The following BOD1L1 variants were observed in gnomAD, a reference collection of about 807,000 sequenced individuals.
BOD1L1 encodes biorientation of chromosomes in cell division 1 like 1.
In BOD1L1, 86 loss-of-function variants were observed where a neutral mutation model predicts 240.7. That is an observed-to-expected ratio of 0.36 (90% CI 0.30 to 0.43). The LOEUF is 0.43. Among genes scored for constraint, BOD1L1 ranks in the 20% least tolerant of loss-of-function variants. The pLI is 1.00. For missense variants in BOD1L1, 3,554 were observed against 3,643.5 expected, an observed-to-expected ratio of 0.98 and a Z score of 0.63; for synonymous variants, 1,268 against 1,272.3, an observed-to-expected ratio of 1.00 and a Z score of 0.07.
intron 9 of BOD1L1, among the ~76,000 whole-genome samples, chr4:13,606,110 C>T (rs1405230934): frequency 1.3e-5 from 2 of 152,134 alleles, no homozygotes; most frequent in East Asian, 1.9e-4. Flanking sequence ...GATTAATGTA[C>T]TTCTACTAAT....
chr4:13,599,592 C>T lies in BOD1L1; in HGVS notation c.7308G>A (p.Lys2436=). 1 of 1,614,018 alleles carries T rather than the reference C, an allele frequency of 6.2e-7. No homozygotes were observed. Among genetic ancestry groups the T allele is most frequent in the Non-Finnish European group, 8.5e-7 (1 of 1,179,898 alleles). ...CAAATGGTCCTATTTCGGGGCACTCCTTGCCATGCTTCTCTTCTTTTTCCG... is the reference window on the plus strand; with the variant it reads ...CAAATGGTCCTATTTCGGGGCACTCTTTGCCATGCTTCTCTTCTTTTTCCG... ...VCAEKEEKHG[K]ECPEIGPFAG... Residue 2436 remains lysine (K), a synonymous_variant, in exon 10 of 26, where the codon AAG becomes AAA. Coordinates refer to ENST00000040738, the MANE Select transcript of BOD1L1 (RefSeq NM_148894.3).
rs375143681 is a variant in BOD1L1, at chr4:13,603,768, A to T, written c.3132T>A (p.Asp1044Glu). Residue 1044 changes from aspartate to glutamate, a missense_variant, in exon 10 of 26, where the codon GAT (aspartate) becomes GAA (glutamate). This residue lies in a region of BOD1L1 where 3,393 missense variants were observed against 3,427.1 expected (regional missense o/e 0.99). Transcript: ENST00000040738. ...KKDENKSDDK[D>E]GKEVDSSHEK... ...CATGACTACTGTCAACTTCTTTACC[A>T]TCCTTGTCATCTGATTTATTTTCGT... The T allele has an allele frequency of 1.9e-6, 3 of 1,613,286 alleles. No individual in the cohort carries two copies. The African/African-American group carries it at 4.0e-5, about 22-fold the overall frequency.
intron 12 of BOD1L1, among the ~76,000 whole-genome samples, chr4:13,594,929 A>T (rs1177338342): frequency 6.6e-6 from 1 of 151,864 alleles, no homozygotes; most frequent in Non-Finnish European, 1.5e-5. Flanking sequence ...AAAACAAAAA[A>T]CAAAAACCCA....
chr4:13,593,830 T>C (rs979779321), intron 12 of BOD1L1, among the ~76,000 whole-genome samples: 6 of 152,222 alleles, frequency 3.9e-5, no homozygotes, highest in Non-Finnish European at 5.9e-5. Context: ...TCCTGGCACC[T>C]TTCCCAAGAG....
chr4:13,614,169 T>G (rs76466064), intron 4 of BOD1L1, 27 bp downstream of exon 4: 1 of 1,459,130 alleles, frequency 6.9e-7, no homozygotes, highest in Non-Finnish European at 9.0e-7. Context: ...CTTTAAACTT[T>G]GTAGATGTTT....
At chr4:13,572,374 C>T (rs750783031) in intron 25 of BOD1L1, among the ~76,000 whole-genome samples, 1 of 152,158 alleles carries the variant, frequency 6.6e-6, no homozygotes, top group African/African-American at 2.4e-5. Flanking sequence ...ATCACCTCTC[C>T]AATGCTCTAG....
chr4:13,577,317 T>A (rs148654364), intron 24 of BOD1L1, 86 bp downstream of exon 24: 32 of 1,111,476 alleles, frequency 2.9e-5, no homozygotes, highest in Non-Finnish European at 4.1e-5. Context: ...GCTGTACCCA[T>A]TGGATTTTTC....
chr4:13,590,638 G>C (rs1560189312), intron 13 of BOD1L1, among the ~76,000 whole-genome samples, 192 bp from the exon 14 acceptor site: 1 of 152,116 alleles, frequency 6.6e-6, no homozygotes, highest in South Asian at 2.1e-4. Context: ...AAAAATTTCA[G>C]TTTAACAAAT....
rs556553807 is a variant in BOD1L1, at chr4:13,606,921, C to T, written c.1815+196G>A. Among the ~76,000 whole-genome samples the T allele has an allele frequency of 5.9e-5, 9 of 151,998 alleles. No individual in the cohort carries two copies. The East Asian group carries it at 7.7e-4, about 13-fold the overall frequency. ...GAAGAGTAGCTATTACCTAGATAAA[C>T]GACAAATATATAAATCAACTCAACA... On this transcript the variant is annotated intron_variant, in intron 9 of 25. Coordinates refer to ENST00000040738, the MANE Select transcript of BOD1L1 (RefSeq NM_148894.3).
intron 22 of BOD1L1, 79 bp downstream of exon 22, chr4:13,579,849 A>C: frequency 8.6e-7 from 1 of 1,167,254 alleles, no homozygotes; most frequent in East Asian, 2.7e-5. Context: ...GCAGAATGGA[A>C]GTTCCAAACC....
chr4:13,602,291 G>A lies in BOD1L1; in HGVS notation c.4609C>T (p.Pro1537Ser). ...DVTLSPVKAG[P>S]ATTTSSETRQ... ...GTTTCTGAAGAAGTGGTTGTGGCAG[G>A]CCCAGCCTTCACTGGACTTAAGGTG... Residue 1537 changes from proline (P) to serine (S), a missense_variant, in exon 10 of 26, where the codon CCT becomes TCT. Pro to Ser is a moderately conservative substitution (Grantham distance 74). This residue lies in a region of BOD1L1 where 3,393 missense variants were observed against 3,427.1 expected (regional missense o/e 0.99). Transcript: ENST00000040738. 6.2e-7 allele frequency: 1 copy of A among 1,613,880 alleles called. No individual in the cohort carries two copies. Among genetic ancestry groups the A allele is most frequent in the Non-Finnish European group, 8.5e-7 (1 of 1,179,856 alleles).
In BOD1L1 at chr4:13,599,437, C is replaced by A; in HGVS notation, c.7463G>T (p.Ser2488Ile). ...TGTAGGSSTA[S>I]YSAGRGLEGN... ...CTCTAAGCCCCTTCCTGCTGAATAA[C>A]TTGCTGTGCTACTGCCCCCTGCTGT... Residue 2488 changes from serine to isoleucine, a missense_variant, in exon 10 of 26, where the codon AGT (serine) becomes ATT (isoleucine). Around this residue, in one of 2 missense-constraint regions of BOD1L1, gnomAD observed 3,393 missense variants for 3,427.1 expected, o/e 0.99. Transcript: ENST00000040738. 6.2e-7 allele frequency: 1 copy of A among 1,614,020 alleles called. No homozygotes were observed. The highest frequency in any genetic ancestry group is 8.5e-7 in the Non-Finnish European group (1 of 1,179,886).
rs772330702 is a variant in BOD1L1, at chr4:13,604,091, T to C, written c.2809A>G (p.Thr937Ala). The C allele has an allele frequency of 1.1e-5, 17 of 1,613,664 alleles. No homozygotes were observed. The Admixed American group carries it at 1.2e-4, about 11-fold the overall frequency. The change falls in exon 10 of 26, where the codon ACC (threonine) becomes GCC (alanine). Residue 937 changes from threonine (T) to alanine (A), a missense_variant. Thr to Ala is a moderately conservative substitution (Grantham distance 58, BLOSUM62 0). Around this residue, in one of 2 missense-constraint regions of BOD1L1, gnomAD observed 3,393 missense variants for 3,427.1 expected, o/e 0.99. Transcript: ENST00000040738. ...TTCTCCTTGTCTGGTTTTGGAGTGG[T>C]TGCCTGTTTTGTGGCACCTTCTTGT... ...ELQEGATKQA[T>A]TPKPDKEKNT...
Position 13,603,037 on chromosome 4 carries a change from G to A in BOD1L1, c.3863C>T (p.Thr1288Ile), listed in dbSNP as rs1715351193. 6.2e-7 allele frequency: 1 copy of A among 1,613,924 alleles called. No individual in the cohort carries two copies. The highest frequency in any genetic ancestry group is 1.7e-5 in the Admixed American group (1 of 60,006). The change falls in exon 10 of 26, where the codon ACT becomes ATT. Residue 1288 changes from threonine (T) to isoleucine (I), a missense_variant. Thr to Ile is a moderately conservative substitution (Grantham distance 89, BLOSUM62 -1). Around this residue, in one of 2 missense-constraint regions of BOD1L1, gnomAD observed 3,393 missense variants for 3,427.1 expected, o/e 0.99. Transcript: ENST00000040738. ...ATACGATTCCCTCAGAGGCACAACA[G>A]TCACTGAACTTAAGGATGGTGAGGA... ...LDSSPSLSSV[T>I]VVPLRESYDP...
Position 13,604,494 on chromosome 4 carries a change from T to A in BOD1L1, c.2406A>T (p.Leu802Phe), listed in dbSNP as rs1715511934. The A allele has an allele frequency of 6.5e-7, 1 of 1,533,266 alleles. No individual in the cohort carries two copies. 95.0% of individuals were successfully genotyped at this position (1,533,266 alleles called of 1,614,324 possible). ...CAGAAACTGGCTTTCCATCTTTGCCTAATACTGATAATTTCCTTTCATTCC... is the reference window on the plus strand; with the variant it reads ...CAGAAACTGGCTTTCCATCTTTGCCAAATACTGATAATTTCCTTTCATTCC... ...KHRNERKLSV[L>F]GKDGKPVSEY... Residue 802 changes from leucine (L) to phenylalanine (F), a missense_variant, in exon 10 of 26, where the codon TTA becomes TTT. Transcript: ENST00000040738.
chr4:13,597,363 CT>C (rs1487106085), intron 10 of BOD1L1, among the ~76,000 whole-genome samples, 195 bp from the exon 11 acceptor site: 1 of 152,138 alleles, frequency 6.6e-6, no homozygotes. Context: ...GGATTATTTG[CT>C]CATTTTGGGT....
At chr4:13,625,308 T>C (rs185262609) in intron 1 of BOD1L1, 89 of 152,368 alleles carry the variant, frequency 5.8e-4, no homozygotes, top group African/African-American at 2.1e-3. Context: ...TTGCCTATAG[T>C]TGACCATTCT....
chr4:13,575,866 G>T (rs1242430121), intron 25 of BOD1L1, among the ~76,000 whole-genome samples: 11 of 149,440 alleles, frequency 7.4e-5, no homozygotes, highest in Non-Finnish European at 1.6e-4. Flanking sequence ...AGTTCAACAG[G>T]CTTCTTTCCT....
chr4:13,610,785 C>T, intron 6 of BOD1L1, 149 bp downstream of exon 6: 1 of 542,102 alleles, frequency 1.8e-6, no homozygotes. Context: ...CACATGTTTA[C>T]ATCTACTCTA....
Sources: allele counts gnomAD v4.1 joint callset (sites outside exome capture counted in the v4.1 genomes callset), GRCh38; gene constraint gnomAD v4.1.1; regional missense constraint gnomAD v4.1.1; transcripts MANE v1.5; gene names NCBI Gene and HGNC (gene_info 2026-07-23, HGNC 2026-07-21).